The following ACOX2 variants were observed in gnomAD, a reference collection of about 807,000 sequenced individuals.
ACOX2 encodes the protein acyl-CoA oxidase 2, also known as peroxisomal acyl-coenzyme A oxidase 2.
A neutral mutation model predicts 77.5 loss-of-function variants in ACOX2; 59 were observed. The ratio of observed to expected loss-of-function variants is 0.76; its 90% confidence interval spans 0.62 to 0.95. The LOEUF (loss-of-function observed/expected upper bound fraction) is 0.95. Among genes scored for constraint, ACOX2 ranks in the 40% least tolerant of loss-of-function variants. The probability of loss-of-function intolerance (pLI) is 0.00; values close to 1 mark genes in which losing one functional copy is unlikely to be tolerated. For synonymous variants in ACOX2, 317 were observed against 340.1 expected (o/e 0.93, Z 0.75); for missense variants, 837 against 880.4 (o/e 0.95, Z 0.62).
chr3:58,534,621 T>C lies in ACOX2; in HGVS notation c.161-99A>G. On this transcript the variant is annotated intron_variant, in intron 2 of 14. Transcript: ENST00000302819. This position sits in a 1 kb window ranked among gnomAD's most constrained non-coding sequence, Gnocchi z 4.8. ...TTGCTTCATGGATCTGGAAAGGAAG[T>C]CAGACATTATTGTTATTTTACAGAT... The C allele has an allele frequency of 6.3e-7, 1 of 1,597,256 alleles. No homozygotes were observed. The highest frequency in any genetic ancestry group is 8.5e-7 in the Non-Finnish European group (1 of 1,173,982).
chr3:58,534,700 T>A lies in ACOX2; in HGVS notation c.161-178A>T. The A allele has an allele frequency of 6.8e-7, 1 of 1,460,390 alleles. No individual in the cohort carries two copies. Among genetic ancestry groups the A allele is most frequent in the Admixed American group, 2.0e-5 (1 of 51,256 alleles). 90.5% of individuals were successfully genotyped at this position (1,460,390 alleles called of 1,614,324 possible). A position where few individuals can be genotyped will look rare whatever the true frequency, so the allele number is the denominator to read the frequency against. ...TGAATTGCCCAAGGTTACAAAGCTA[T>A]GCAGTGGCAGAATTTTAGGACCAGA... is the stretch of plus-strand genomic sequence containing the variant. On this transcript the variant is annotated intron_variant, in intron 2 of 14. Coordinates refer to ENST00000302819, the MANE Select transcript of ACOX2 (RefSeq NM_003500.4). This position sits in a 1 kb window ranked among gnomAD's most constrained non-coding sequence, Gnocchi z 4.8.
Position 58,519,838 on chromosome 3 carries a change from A to G in ACOX2, c.1633-2415T>C, listed in dbSNP as rs2063346468. Among the ~76,000 whole-genome samples the G allele has an allele frequency of 6.6e-6, 1 of 152,238 alleles. No homozygotes were observed. Among genetic ancestry groups the G allele is most frequent in the African/African-American group, 2.4e-5 (1 of 41,474 alleles). On this transcript the variant is annotated intron_variant, in intron 12 of 14. Coordinates refer to ENST00000302819, the MANE Select transcript of ACOX2 (RefSeq NM_003500.4). The surrounding 1 kb of genome is among the most constrained non-coding windows in gnomAD (Gnocchi z 5.0). The stretch of plus-strand genomic sequence containing the variant: ...GTGCTGTGTTGCCTCTGCTGGCTCC[A>G]GTAGCCTTTGTTGCTCAGACTGGGT...
intron 14 of ACOX2, among the ~76,000 whole-genome samples, chr3:58,508,308 C>T (rs2063249077): frequency 6.6e-6 from 1 of 152,068 alleles, no homozygotes; most frequent in Non-Finnish European, 1.5e-5. Context: ...ATTTTTTTGG[C>T]ATGACCCTTT....
chr3:58,531,818 G>T lies in ACOX2; in HGVS notation c.584-6C>A, dbSNP rs1185872600. On this transcript the variant is annotated splice_polypyrimidine_tract_variant and splice_region_variant and intron_variant, in intron 5 of 14. Coordinates refer to ENST00000302819, the MANE Select transcript of ACOX2 (RefSeq NM_003500.4). This position sits in a 1 kb window ranked among gnomAD's most constrained non-coding sequence, Gnocchi z 5.8. ...ATGGGTGGCTGACCGTCCCACTGAG[G>T]GCAGAGAGAGTAGCGGCCCGTCACA... 6.2e-7 allele frequency: 1 copy of T among 1,612,096 alleles called. No homozygotes were observed. Among genetic ancestry groups the T allele is most frequent in the Admixed American group, 1.7e-5 (1 of 59,584 alleles).
In ACOX2 at chr3:58,534,097, T is replaced by C; in HGVS notation, c.372A>G (p.Arg124=). 6.2e-7 allele frequency: 1 copy of C among 1,614,180 alleles called. No individual in the cohort carries two copies. The highest frequency in any genetic ancestry group is 2.2e-5 in the East Asian group (1 of 44,876). ...CCTCTGAGCCCAGGCTCCTGAGGGC[T>C]CTCACGAAGACTCTGTGTATATTTA... ...VALNIHRVFV[R]ALRSLGSEEQ... The change falls in exon 4 of 15, where the codon AGA becomes AGG. Residue 124 remains arginine, a synonymous_variant. Coordinates refer to ENST00000302819, the MANE Select transcript of ACOX2 (RefSeq NM_003500.4). The surrounding 1 kb of genome is among the most constrained non-coding windows in gnomAD (Gnocchi z 4.8).
In ACOX2 at chr3:58,507,162, G is replaced by A. The variant is rs116863169; in HGVS notation, c.1983+1731C>T. Among the ~76,000 whole-genome samples the A allele has an allele frequency of 0.011, 1,689 of 152,330 alleles. 119 individuals are homozygous for A. The East Asian group carries it at 0.22, about 19-fold the overall frequency. On this transcript the variant is annotated intron_variant, in intron 14 of 14. Transcript: ENST00000302819. ...ATATAAGCTAGGATGACAAGAGTGTGTGGCACTGTGTATGCAGCAGATTCC... is the reference window on the plus strand; with the variant it reads ...ATATAAGCTAGGATGACAAGAGTGTATGGCACTGTGTATGCAGCAGATTCC...
chr3:58,533,723 A>G lies in ACOX2; in HGVS notation c.476-171T>C. On this transcript the variant is annotated intron_variant, in intron 4 of 14. Transcript: ENST00000302819. This position sits in a 1 kb window ranked among gnomAD's most constrained non-coding sequence, Gnocchi z 5.6. Reference sequence around the variant, plus strand: ...CTTTCATCTGTGGGCTGTGTGTGGGACACACAGTCCCCTATAGCCAGTCCA... The same window carrying G: ...CTTTCATCTGTGGGCTGTGTGTGGGGCACACAGTCCCCTATAGCCAGTCCA... 2 of 687,810 alleles carry G rather than the reference A, an allele frequency of 2.9e-6. No individual in the cohort carries two copies. Among genetic ancestry groups the G allele is most frequent in the Non-Finnish European group, 4.9e-6 (2 of 406,642 alleles). The allele number at this position is 687,810 out of a possible 1,614,324, so 42.6% of individuals were successfully genotyped here.
In ACOX2 at chr3:58,533,138, G is replaced by T. The variant is rs2063453326; in HGVS notation, c.583+307C>A. Among the ~76,000 whole-genome samples the T allele has an allele frequency of 6.6e-6, 1 of 152,180 alleles. No homozygotes were observed. The highest frequency in any genetic ancestry group is 1.5e-5 in the Non-Finnish European group (1 of 68,030). On this transcript the variant is annotated intron_variant, in intron 5 of 14. Coordinates refer to ENST00000302819, the MANE Select transcript of ACOX2 (RefSeq NM_003500.4). The surrounding 1 kb of genome is among the most constrained non-coding windows in gnomAD (Gnocchi z 5.6). ...GGGTTGTGAGGAGTGCCTAGGACTAGACCAAGTGTGTGTGTTTGTGCGTGT... is the reference window on the plus strand; with the variant it reads ...GGGTTGTGAGGAGTGCCTAGGACTATACCAAGTGTGTGTGTTTGTGCGTGT...
In ACOX2 at chr3:58,534,903, C is replaced by T. The variant is rs772051507; in HGVS notation, c.160+44G>A. 3 of 1,611,460 alleles carry T rather than the reference C, an allele frequency of 1.9e-6. No individual in the cohort carries two copies. Among genetic ancestry groups the T allele is most frequent in the Middle Eastern group, 3.3e-4 (2 of 6,052 alleles). ...TGAAGGACTCTTCTTACAAGAGAAG[C>T]ATGGGGCATAAAACAGATGTCCCAT... On this transcript the variant is annotated intron_variant, in intron 2 of 14. Transcript: ENST00000302819. This position sits in a 1 kb window ranked among gnomAD's most constrained non-coding sequence, Gnocchi z 4.8.
Position 58,524,559 on chromosome 3 carries a change from T to C in ACOX2, c.1393A>G (p.Thr465Ala), listed in dbSNP as rs145566505. The C allele has an allele frequency of 3.7e-6, 6 of 1,613,984 alleles. No individual in the cohort carries two copies. The highest frequency in any genetic ancestry group is 3.3e-5 in the Admixed American group (2 of 60,008). Residue 465 changes from threonine to alanine, a missense_variant, in exon 11 of 15, where the codon ACG becomes GCG. By Grantham distance (58) the Thr-to-Ala change is moderately conservative. Transcript: ENST00000302819. This position sits in a 1 kb window ranked among gnomAD's most constrained non-coding sequence, Gnocchi z 5.5. The part of the protein sequence containing the change: ...YLQTQMSPGS[T>A]PQRSLSPSVA... ...GATGGAGAGAGAGATCTCTGTGGCG[T>C]GGAGCCAGGGGACATCTGAGTCTGC...
At chr3:58,532,642 C>T (rs1323099455) in intron 5 of ACOX2, among the ~76,000 whole-genome samples, 3 of 152,154 alleles carry the variant, frequency 2.0e-5, no homozygotes, top group African/African-American at 7.2e-5. Context: ...ACCTCGGCAT[C>T]CCAAAGTGCT....
chr3:58,509,528 A>AAAATAAAT (rs377185878), intron 13 of ACOX2, among the ~76,000 whole-genome samples: 104 of 151,574 alleles, frequency 6.9e-4, no homozygotes, highest in Middle Eastern at 3.4e-3. Context: ...CTCCTGTCCC[A>AAAATAAAT]AAATAAATAA....
At chr3:58,532,706 T>C (rs1577001580) in intron 5 of ACOX2, among the ~76,000 whole-genome samples, 1 of 152,304 alleles carries the variant, frequency 6.6e-6, no homozygotes, top group East Asian at 1.9e-4. Context: ...CTTATGTCTC[T>C]GGTCTCTGCC....
At position 58,535,245 on chromosome 3, in the gene ACOX2, T is replaced by C. The variant is rs958721364; in HGVS notation, c.-91-48A>G. 1 of 1,092,802 alleles carries C rather than the reference T, an allele frequency of 9.2e-7. No individual in the cohort carries two copies. The highest frequency in any genetic ancestry group is 1.5e-5 in the African/African-American group (1 of 64,670). 67.7% of individuals were successfully genotyped at this position (1,092,802 alleles called of 1,614,324 possible). On this transcript the variant is annotated intron_variant, in intron 1 of 14. Transcript: ENST00000302819. This position sits in a 1 kb window ranked among gnomAD's most constrained non-coding sequence, Gnocchi z 4.8. ...AGGGCTGGGTGTCAGCCAGGGCTGGTTGGTAGAAGAAAGACATCCCTAAGT... is the reference window on the plus strand; with the variant it reads ...AGGGCTGGGTGTCAGCCAGGGCTGGCTGGTAGAAGAAAGACATCCCTAAGT...
In ACOX2 at chr3:58,522,546, G is replaced by A; in HGVS notation, c.1582C>T (p.Gln528Ter). 6.2e-7 allele frequency: 1 copy of A among 1,614,184 alleles called. No individual in the cohort carries two copies. The change falls in exon 12 of 15, where the codon CAG (glutamine) becomes TAG (stop). Residue 528 changes from glutamine (Q) to a stop codon, truncating the protein, a stop_gained. Coordinates refer to ENST00000302819, the MANE Select transcript of ACOX2 (RefSeq NM_003500.4). LOFTEE classifies it high-confidence loss of function. This position sits in a 1 kb window ranked among gnomAD's most constrained non-coding sequence, Gnocchi z 4.3. The stretch of plus-strand genomic sequence containing the variant: ...GTGGTCTGGTTCCAAGCCTCGTGCT[G>A]GTCAGCTCCGGATTGCGTCAGGGTC... Reference protein sequence around the residue: ...LQTLTQSGADQHEAWNQTTVI... With the variant: ...LQTLTQSGAD
At chr3:58,507,935 G>A (rs1466411121) in intron 14 of ACOX2, among the ~76,000 whole-genome samples, 1 of 152,160 alleles carries the variant, frequency 6.6e-6, no homozygotes, top group Admixed American at 6.5e-5. Flanking sequence ...CCAATTTGAT[G>A]TGGTGTTAAG....
Position 58,531,625 on chromosome 3 carries a change from C to T in ACOX2, c.703+68G>A, listed in dbSNP as rs1003153583. ...AGCTACTCCTGTGGCCCTCTGGGGC[C>T]CCAGGTCAGGGAGGCCACCTGGGCT... On this transcript the variant is annotated intron_variant, in intron 6 of 14. Transcript: ENST00000302819. The surrounding 1 kb of genome is among the most constrained non-coding windows in gnomAD (Gnocchi z 5.8). 3 of 1,577,854 alleles carry T rather than the reference C, an allele frequency of 1.9e-6. No individual in the cohort carries two copies. Among genetic ancestry groups the T allele is most frequent in the East Asian group, 4.5e-5 (2 of 44,622 alleles).
rs749954791 is a variant in ACOX2 at position 58,508,844 on chromosome 3, C to A, written c.1983+49G>T. The A allele has an allele frequency of 1.9e-6, 3 of 1,605,394 alleles. No homozygotes were observed. The East Asian group carries it at 6.7e-5, about 36-fold the overall frequency. On this transcript the variant is annotated intron_variant, in intron 14 of 14. Coordinates refer to ENST00000302819, the MANE Select transcript of ACOX2 (RefSeq NM_003500.4). The stretch of plus-strand genomic sequence containing the variant: ...GGAGAACATGAAGGTGTATTCACTG[C>A]CTGTTCTCTGCTTTCTTACATAATT...
intron 14 of ACOX2, among the ~76,000 whole-genome samples, chr3:58,507,317 T>C (rs1042857081): frequency 6.6e-6 from 1 of 152,214 alleles, no homozygotes; most frequent in Non-Finnish European, 1.5e-5. Context: ...TGGAAGGAGA[T>C]AGAAGTGAAT....
Sources: gnomAD v4.1 joint callset for allele counts (sites outside exome capture counted in the v4.1 genomes callset) on GRCh38, gnomAD v4.1.1 for gene constraint, Gnocchi (gnomAD v3.1) non-coding constraint, MANE v1.5 for transcripts, NCBI Gene and HGNC (gene_info 2026-07-23, HGNC 2026-07-21) for gene names.